AFF2: variants seen among roughly 807,000 people sequenced by gnomAD.
AFF2 encodes AF4/FMR2 family member 2.
In AFF2, 14 loss-of-function variants were observed where a neutral mutation model predicts 76.9. The observed-to-expected ratio is 0.18, with a 90% CI of 0.12 to 0.28. The LOEUF is 0.28. Ranked by LOEUF, AFF2 falls within the 10% of genes least tolerant of loss-of-function variation. The probability of loss-of-function intolerance (pLI) is 1.00; values close to 1 mark genes in which losing one functional copy is unlikely to be tolerated. For synonymous variants in AFF2, 398 were observed against 366.7 expected (o/e 1.09, Z -0.98); for missense variants, 868 against 1,001.1 (o/e 0.87, Z 1.79).
chrX:148,791,928 CA>C (rs1557269963), intron 3 of AFF2, among the ~76,000 whole-genome samples: 1 of 111,035 alleles, frequency 9.0e-6, no homozygotes, highest in African/African-American at 3.3e-5. Flanking sequence ...ATTGGTACAA[CA>C]AAGGAATTTT....
At chrX:148,985,285 C>CTTTT (rs151339705) in intron 19 of AFF2, among the ~76,000 whole-genome samples, 287 of 15,375 alleles carry the variant, frequency 0.019, 118 homozygotes, top group Non-Finnish European at 0.025. Flanking sequence ...TGTGCCTGGC[C>CTTTT]TTTTTTTTTT....
intron 1 of AFF2, among the ~76,000 whole-genome samples, chrX:148,620,093 G>A (rs782016043): frequency 1.8e-5 from 2 of 111,368 alleles, no homozygotes; most frequent in South Asian, 3.8e-4. Flanking sequence ...GTCAAACTCC[G>A]GAGTTCAGTC....
intron 3 of AFF2, among the ~76,000 whole-genome samples, chrX:148,769,623 C>T (rs1011336505): frequency 9.0e-6 from 1 of 110,922 alleles, no homozygotes; most frequent in Admixed American, 9.6e-5. Flanking sequence ...GCTCCTGTTT[C>T]GCTCTGGGGT....
At chrX:148,742,504 G>A (rs782332628) in intron 3 of AFF2, among the ~76,000 whole-genome samples, 7 of 111,731 alleles carry the variant, frequency 6.3e-5, no homozygotes, top group Non-Finnish European at 1.3e-4. Flanking sequence ...TAAAATAAAT[G>A]TAAGCATTTC....
intron 3 of AFF2, among the ~76,000 whole-genome samples, chrX:148,781,062 G>C (rs1428640745): frequency 8.9e-6 from 1 of 111,818 alleles, no homozygotes; most frequent in Non-Finnish European, 1.9e-5. Flanking sequence ...TGTTTGCCTG[G>C]GTATCACCAG....
chrX:148,500,631 AGCCGCTGCCGCCGCCGCCGCCGCC>A lies in AFF2; in HGVS notation c.-461_-438del, dbSNP rs1341735122. 542 of 62,499 alleles carry A rather than the reference AGCCGCTGCCGCCGCCGCCGCCGCC, an allele frequency of 8.7e-3. 4 individuals are homozygous for A. Among genetic ancestry groups the A allele is most frequent in the African/African-American group, 0.027 (494 of 18,157 alleles). The allele number at this position is 62,499 out of a possible 1,213,427, so 5.2% of individuals were successfully genotyped here. On this transcript the variant is annotated 5_prime_UTR_variant, in exon 1 of 21. Coordinates refer to ENST00000370460, the MANE Select transcript of AFF2 (RefSeq NM_002025.4). ...CCGCGGCCGCCGCCGCCGCCTGTGC[AGCCGCTGCCGCCGCCGCCGCCGCC>A]GCCGCCGCCGCCGCCGCCGCCGCCG...
chrX:148,997,791 G>A lies in AFF2; in HGVS notation c.*6459G>A, dbSNP rs1252433073. On this transcript the variant is annotated 3_prime_UTR_variant, in exon 21 of 21. Coordinates refer to ENST00000370460, the MANE Select transcript of AFF2 (RefSeq NM_002025.4). ...CACAGCTACAAAGAGCTAGAAATGT[G>A]TTTAACATCATCCAGTGCATCCCCT... The A allele has an allele frequency of 8.9e-6, 1 of 112,338 alleles. No individual in the cohort carries two copies. Among genetic ancestry groups the A allele is most frequent in the East Asian group, 2.8e-4 (1 of 3,590 alleles). 9.3% of individuals were successfully genotyped at this position (112,338 alleles called of 1,213,427 possible). A position where few individuals can be genotyped will look rare whatever the true frequency, so the allele number is the denominator to read the frequency against.
At chrX:148,678,472 C>T (rs2054509372) in intron 3 of AFF2, among the ~76,000 whole-genome samples, 1 of 111,987 alleles carries the variant, frequency 8.9e-6, no homozygotes, top group South Asian at 3.7e-4. Context: ...TATAAAATTA[C>T]AGATTCTTGA....
At chrX:148,714,769 A>G (rs1237852908) in intron 3 of AFF2, among the ~76,000 whole-genome samples, 2 of 111,817 alleles carry the variant, frequency 1.8e-5, no homozygotes, top group African/African-American at 6.5e-5. Context: ...CTGTATCCCT[A>G]GCCAGATTGA....
intron 3 of AFF2, among the ~76,000 whole-genome samples, chrX:148,803,592 C>T (rs2070088918): frequency 9.0e-6 from 1 of 111,703 alleles, no homozygotes; most frequent in Non-Finnish European, 1.9e-5. Context: ...CCTCATTCCC[C>T]CCATCTCCTT....
intron 3 of AFF2, among the ~76,000 whole-genome samples, chrX:148,694,026 G>A (rs1421312415): frequency 9.1e-6 from 1 of 110,001 alleles, no homozygotes; most frequent in Non-Finnish European, 1.9e-5. Context: ...GTAGGGACAT[G>A]GATGAAATTG....
intron 7 of AFF2, among the ~76,000 whole-genome samples, chrX:148,850,844 C>G (rs1004874964): frequency 9.0e-6 from 1 of 111,530 alleles, no homozygotes; most frequent in Non-Finnish European, 1.9e-5. Context: ...GACTAGAAGC[C>G]AGGATTCTGC....
At chrX:148,581,730 G>C (rs1025631577) in intron 1 of AFF2, among the ~76,000 whole-genome samples, 1 of 112,078 alleles carries the variant, frequency 8.9e-6, no homozygotes, top group African/African-American at 3.2e-5. Context: ...ACTTGTTTGA[G>C]AATAAGTCAC....
At chrX:148,904,304 T>C (rs782093204) in intron 9 of AFF2, 46 bp downstream of exon 9, 16 of 758,960 alleles carry the variant, frequency 2.1e-5, no homozygotes, top group Non-Finnish European at 3.2e-5. Context: ...TTTAACGGAC[T>C]CGATGCATGT....
At chrX:148,594,824 T>G (rs1027536035) in intron 1 of AFF2, among the ~76,000 whole-genome samples, 1 of 112,076 alleles carries the variant, frequency 8.9e-6, no homozygotes, top group Non-Finnish European at 1.9e-5. Flanking sequence ...GCTCTTCCTT[T>G]CCCCAGCCTT....
At chrX:148,834,808 C>T (rs1313251065) in intron 4 of AFF2, among the ~76,000 whole-genome samples, 1 of 111,754 alleles carries the variant, frequency 8.9e-6, no homozygotes, top group East Asian at 2.8e-4. Context: ...GAGTGTGCCA[C>T]ACTTTACAAG....
At chrX:148,645,736 C>T in intron 1 of AFF2, among the ~76,000 whole-genome samples, 1 of 112,128 alleles carries the variant, frequency 8.9e-6, no homozygotes, top group East Asian at 2.8e-4. Context: ...ATGACATTTG[C>T]ATTGTCCATT....
At chrX:148,604,610 A>G (rs183949158) in intron 1 of AFF2, among the ~76,000 whole-genome samples, 3 of 112,414 alleles carry the variant, frequency 2.7e-5, no homozygotes, top group East Asian at 2.8e-4. Context: ...AAAAAGGAAA[A>G]TAAAACACTA....
chrX:148,969,003 G>A (rs782122202), intron 15 of AFF2, among the ~76,000 whole-genome samples: 1 of 112,712 alleles, frequency 8.9e-6, no homozygotes, highest in Non-Finnish European at 1.9e-5. Context: ...TCAAAGCAGG[G>A]GTTAGGGAGC....
Sources: gnomAD v4.1 joint callset for allele counts (sites outside exome capture counted in the v4.1 genomes callset) on GRCh38, gnomAD v4.1.1 for gene constraint, MANE v1.5 for transcripts, NCBI Gene and HGNC (gene_info 2026-07-23, HGNC 2026-07-21) for gene names.